CRIM1: variants seen among roughly 807,000 people sequenced by gnomAD.
CRIM1 encodes the protein cysteine-rich motor neuron 1 protein.
Under a neutral mutation model 116.4 loss-of-function variants are expected in CRIM1, and 32 were observed. The ratio of observed to expected loss-of-function variants is 0.27; its 90% CI spans 0.21 to 0.37. CRIM1 has a LOEUF of 0.37. CRIM1 is among the 10% of genes least tolerant of loss of function. The pLI, the probability that CRIM1 is intolerant of heterozygous loss-of-function variation, is 1.00. For synonymous variants in CRIM1, 590 were observed against 509.2 expected (o/e 1.16, Z -2.13); for missense variants, 1,331 against 1,354.8 (o/e 0.98, Z 0.28).
chr2:36,388,329 G>A (rs1228966217), intron 1 of CRIM1, among the ~76,000 whole-genome samples: 1 of 152,090 alleles, frequency 6.6e-6, no homozygotes, highest in African/African-American at 2.4e-5. Flanking sequence ...ACTCTACATA[G>A]TGACTTTGTT....
At chr2:36,366,535 G>C (rs974362416) in intron 1 of CRIM1, among the ~76,000 whole-genome samples, 3 of 151,160 alleles carry the variant, frequency 2.0e-5, no homozygotes, top group Non-Finnish European at 4.4e-5. Flanking sequence ...CCTATGGAAA[G>C]ATTAAAAAAA....
chr2:36,386,454 T>C (rs1205039453), intron 1 of CRIM1, among the ~76,000 whole-genome samples: 1 of 152,220 alleles, frequency 6.6e-6, no homozygotes, highest in Non-Finnish European at 1.5e-5. Flanking sequence ...GTAGGAAGAC[T>C]GAGATCCAAA....
intron 1 of CRIM1, among the ~76,000 whole-genome samples, chr2:36,365,501 T>A (rs954922707): frequency 1.1e-4 from 16 of 152,174 alleles, no homozygotes; most frequent in Admixed American, 1.0e-3. Context: ...GGAGAGGGTG[T>A]GAGGGCCAGA....
chr2:36,472,682 C>G (rs1678626246), intron 5 of CRIM1, among the ~76,000 whole-genome samples: 1 of 152,184 alleles, frequency 6.6e-6, no homozygotes, highest in Admixed American at 6.5e-5. Flanking sequence ...TGTGGTTGAT[C>G]AACTCAACCA....
At chr2:36,454,653 C>CT (rs1222665709) in intron 4 of CRIM1, among the ~76,000 whole-genome samples, 1 of 152,142 alleles carries the variant, frequency 6.6e-6, no homozygotes, top group Non-Finnish European at 1.5e-5. Context: ...TAATGTGCCC[C>CT]TTTTTTTCTA....
intron 9 of CRIM1, 108 bp downstream of exon 9, chr2:36,510,247 G>T (rs1461450613): frequency 9.7e-7 from 1 of 1,027,188 alleles, no homozygotes; most frequent in Non-Finnish European, 1.4e-6. Flanking sequence ...GGTATATTGA[G>T]CCCAGAATGT....
intron 2 of CRIM1, among the ~76,000 whole-genome samples, chr2:36,433,610 A>G (rs1035574806): frequency 1.1e-4 from 16 of 152,232 alleles, no homozygotes; most frequent in African/African-American, 3.6e-4. Flanking sequence ...TTAAACAAGT[A>G]CTAATGCCCA....
chr2:36,515,660 T>C (rs994626709), intron 11 of CRIM1, among the ~76,000 whole-genome samples: 1 of 152,264 alleles, frequency 6.6e-6, no homozygotes, highest in Non-Finnish European at 1.5e-5. Flanking sequence ...CCATACACTC[T>C]ACATTTGAGT....
chr2:36,544,959 T>C (rs1032782480), intron 15 of CRIM1, among the ~76,000 whole-genome samples: 1 of 152,210 alleles, frequency 6.6e-6, no homozygotes. Flanking sequence ...TTATCACCTA[T>C]GTTGATTTTT....
chr2:36,435,073 T>G (rs1436900962), intron 2 of CRIM1, among the ~76,000 whole-genome samples: 1 of 152,186 alleles, frequency 6.6e-6, no homozygotes, highest in Non-Finnish European at 1.5e-5. Context: ...TTCTCAAGGT[T>G]GGTCTCCCTG....
chr2:36,479,782 C>A, intron 7 of CRIM1, 88 bp downstream of exon 7: 3 of 1,335,438 alleles, frequency 2.2e-6, no homozygotes, highest in South Asian at 1.2e-5. Context: ...TGTTTATTTC[C>A]TTGGGCATAA....
chr2:36,484,717 G>A (rs1161626796), intron 7 of CRIM1, among the ~76,000 whole-genome samples: 5 of 152,190 alleles, frequency 3.3e-5, no homozygotes, highest in African/African-American at 1.2e-4. Context: ...ACCATCTCCT[G>A]CACGGAGGAG....
At chr2:36,515,342 G>A (rs76793923) in intron 11 of CRIM1, among the ~76,000 whole-genome samples, 100 of 152,348 alleles carry the variant, frequency 6.6e-4, no homozygotes, top group Middle Eastern at 6.8e-3. Flanking sequence ...GTAAGCACAC[G>A]TGAAGTTGTT....
At chr2:36,368,108 G>A (rs759301898) in intron 1 of CRIM1, among the ~76,000 whole-genome samples, 3 of 152,174 alleles carry the variant, frequency 2.0e-5, no homozygotes, top group Non-Finnish European at 4.4e-5. Flanking sequence ...TACCTTTGCT[G>A]CTGTTTTCAC....
At chr2:36,468,054 G>T (rs555041941) in intron 5 of CRIM1, among the ~76,000 whole-genome samples, 5 of 152,186 alleles carry the variant, frequency 3.3e-5, no homozygotes, top group Non-Finnish European at 5.9e-5. Context: ...CAGCTAGACC[G>T]TAGGTGCTTG....
In CRIM1 at chr2:36,441,391, C is replaced by A. The variant is rs1048241658; in HGVS notation, c.639C>A (p.Asn213Lys). The change falls in exon 3 of 17, where the codon AAC becomes AAA. Residue 213 changes from asparagine (N) to lysine (K), a missense_variant. Physicochemically the swap from Asn to Lys is moderately conservative, Grantham distance 94. This residue lies in a region of CRIM1 where 690 missense variants were observed against 676.0 expected (regional missense o/e 1.02). Coordinates refer to ENST00000280527, the MANE Select transcript of CRIM1 (RefSeq NM_016441.3). ...CCPLPSRCVCNPAGCLRKVCQ... is the reference protein window; with the variant it reads ...CCPLPSRCVCKPAGCLRKVCQ... ...CCTTACCCAGCCGCTGCGTGTGCAA[C>A]CCCGCAGGCTGTCTGCGCAAAGTCT... 1 of 1,614,244 alleles carries A rather than the reference C, an allele frequency of 6.2e-7. No individual in the cohort carries two copies. The highest frequency in any genetic ancestry group is 1.1e-5 in the South Asian group (1 of 91,088).
intron 2 of CRIM1, among the ~76,000 whole-genome samples, chr2:36,401,973 T>TAGCA (rs149530234): frequency 0.16 from 24,408 of 151,960 alleles, 2,379 homozygotes; most frequent in African/African-American, 0.28. Flanking sequence ...CTTTCAGCTG[T>TAGCA]AGCAAGAAAC....
intron 8 of CRIM1, among the ~76,000 whole-genome samples, chr2:36,506,181 TCACACA>T (rs3076519): frequency 0.059 from 7,150 of 120,636 alleles, 189 homozygotes; most frequent in East Asian, 0.096. Context: ...TCTCTCTCTC[TCACACA>T]CACACACACA....
At chr2:36,360,108 A>G (rs1435857197) in intron 1 of CRIM1, among the ~76,000 whole-genome samples, 1 of 152,198 alleles carries the variant, frequency 6.6e-6, no homozygotes, top group Non-Finnish European at 1.5e-5. Flanking sequence ...GGACAGTGAG[A>G]ATTATGTTTT....
Sources: gnomAD v4.1 joint callset for allele counts (sites outside exome capture counted in the v4.1 genomes callset) on GRCh38, gnomAD v4.1.1 for gene constraint, gnomAD v4.1.1 regional missense constraint, MANE v1.5 for transcripts, NCBI Gene and HGNC (gene_info 2026-07-23, HGNC 2026-07-21) for gene names.